Variants in MTMR8 observed in about 807,000 individuals in gnomAD.
MTMR8 encodes the protein phosphatidylinositol-3,5-bisphosphate 3-phosphatase MTMR8.
A neutral mutation model predicts 39.3 loss-of-function variants in MTMR8; 65 were observed. The observed-to-expected ratio is 1.65, with a 90% CI of 1.35 to 2.03. The LOEUF is 2.03. Among genes scored for constraint, MTMR8 ranks in the 30% most tolerant of loss-of-function variants. The pLI is 0.00. For synonymous variants in MTMR8, 245 were observed against 185.2 expected, an observed-to-expected ratio of 1.32 and a Z score of -2.62; for missense variants, 777 against 538.9, an observed-to-expected ratio of 1.44 and a Z score of -4.37.
At chrX:64,310,599 C>G (rs1922265393) in intron 12 of MTMR8, among the ~76,000 whole-genome samples, 1 of 110,949 alleles carries the variant, frequency 9.0e-6, no homozygotes, top group South Asian at 3.9e-4. Context: ...TTGCTGCACC[C>G]ATCAACTCGT....
intron 1 of MTMR8, 90 bp downstream of exon 1, chrX:64,395,250 C>T: frequency 1.0e-6 from 1 of 982,991 alleles, no homozygotes; most frequent in South Asian, 2.0e-5. Context: ...TCAAAGAAGG[C>T]TGAGAAGGCT....
At chrX:64,372,532 C>T (rs1052449271) in intron 1 of MTMR8, among the ~76,000 whole-genome samples, 12 of 112,001 alleles carry the variant, frequency 1.1e-4, no homozygotes, top group Non-Finnish European at 2.3e-4. Flanking sequence ...TTCTTCATCT[C>T]TACAATTAAT....
intron 12 of MTMR8, among the ~76,000 whole-genome samples, chrX:64,286,277 A>T (rs1449039758): frequency 5.4e-5 from 6 of 110,743 alleles, no homozygotes; most frequent in African/African-American, 9.8e-5. Context: ...GCAAACCAGG[A>T]AGATGTTGAC....
intron 1 of MTMR8, among the ~76,000 whole-genome samples, chrX:64,383,755 T>A (rs1320746663): frequency 9.0e-6 from 1 of 110,910 alleles, no homozygotes; most frequent in Non-Finnish European, 1.9e-5. Flanking sequence ...TCCAATCACC[T>A]CCTACCAGTT....
chrX:64,277,352 C>G (rs1931899345), intron 12 of MTMR8, among the ~76,000 whole-genome samples: 2 of 112,114 alleles, frequency 1.8e-5, no homozygotes, highest in African/African-American at 6.5e-5. Flanking sequence ...ATGGTCTTTA[C>G]AATTTGGTAT....
chrX:64,384,148 C>A (rs1358185716), intron 1 of MTMR8, among the ~76,000 whole-genome samples: 1 of 111,944 alleles, frequency 8.9e-6, no homozygotes, highest in Non-Finnish European at 1.9e-5. Flanking sequence ...AAACTTAAAA[C>A]TCCTAAGTAA....
chrX:64,350,890 C>T (rs1241165183), intron 4 of MTMR8, among the ~76,000 whole-genome samples: 2 of 111,130 alleles, frequency 1.8e-5, no homozygotes, highest in African/African-American at 3.3e-5. Flanking sequence ...CTAATCACTC[C>T]CCTAACTAAA....
intron 12 of MTMR8, among the ~76,000 whole-genome samples, chrX:64,325,746 T>G (rs1484158059): frequency 8.9e-6 from 1 of 112,002 alleles, no homozygotes; most frequent in Non-Finnish European, 1.9e-5. Context: ...AATGCCTACT[T>G]TTACCACTTC....
At chrX:64,387,289 T>C (rs765178375) in intron 1 of MTMR8, among the ~76,000 whole-genome samples, 5 of 110,764 alleles carry the variant, frequency 4.5e-5, no homozygotes, top group African/African-American at 1.3e-4. Context: ...TCCTGAATGG[T>C]AGGAGATGCT....
intron 13 of MTMR8, 79 bp from the exon 14 acceptor site, chrX:64,269,122 G>A (rs2147122959): frequency 9.9e-7 from 1 of 1,011,808 alleles, no homozygotes; most frequent in East Asian, 3.1e-5. Flanking sequence ...GATCTGCAGA[G>A]ATCCTATTGC....
At chrX:64,311,345 T>A (rs1330681605) in intron 12 of MTMR8, among the ~76,000 whole-genome samples, 6 of 111,042 alleles carry the variant, frequency 5.4e-5, no homozygotes, top group African/African-American at 1.6e-4. Flanking sequence ...TTGATGGGGT[T>A]TTTTTTTCTT....
chrX:64,300,396 A>C (rs1459003771), intron 12 of MTMR8, among the ~76,000 whole-genome samples: 1 of 111,325 alleles, frequency 9.0e-6, no homozygotes, highest in Non-Finnish European at 1.9e-5. Context: ...CTAGCATTGC[A>C]AACCCTGCCT....
intron 12 of MTMR8, among the ~76,000 whole-genome samples, chrX:64,321,890 CT>C (rs973512975): frequency 6.3e-5 from 7 of 111,780 alleles, no homozygotes; most frequent in African/African-American, 2.3e-4. Context: ...TTGTCAAATA[CT>C]TTTTCTTCAT....
At chrX:64,360,700 G>T (rs1306239531) in intron 1 of MTMR8, among the ~76,000 whole-genome samples, 1 of 110,979 alleles carries the variant, frequency 9.0e-6, no homozygotes, top group African/African-American at 3.3e-5. Flanking sequence ...ATTAACCTTG[G>T]GTTAAAAAGA....
intron 12 of MTMR8, among the ~76,000 whole-genome samples, chrX:64,299,558 G>GT (rs1300659349): frequency 2.5e-5 from 2 of 80,138 alleles, no homozygotes; most frequent in Non-Finnish European, 4.8e-5. Flanking sequence ...TTTTTGAAGG[G>GT]TTTTTTGTGT....
At chrX:64,363,677 C>T (rs970418929) in intron 1 of MTMR8, among the ~76,000 whole-genome samples, 1 of 111,783 alleles carries the variant, frequency 8.9e-6, no homozygotes, top group Non-Finnish European at 1.9e-5. Context: ...GTGACCGACG[C>T]AAAAGATAGT....
intron 1 of MTMR8, among the ~76,000 whole-genome samples, chrX:64,369,353 T>G (rs1232387585): frequency 8.9e-6 from 1 of 111,937 alleles, no homozygotes; most frequent in Non-Finnish European, 1.9e-5. Flanking sequence ...AGCAAAAGCT[T>G]GGAACCAACC....
At chrX:64,274,984 C>T (rs1005000464) in intron 12 of MTMR8, among the ~76,000 whole-genome samples, 12 of 111,092 alleles carry the variant, frequency 1.1e-4, no homozygotes, top group African/African-American at 3.9e-4. Flanking sequence ...GGTCTTCTGC[C>T]CAGCATGGTG....
chrX:64,345,238 C>A, intron 6 of MTMR8, 61 bp from the exon 7 acceptor site: 1 of 1,094,247 alleles, frequency 9.1e-7, no homozygotes, highest in Non-Finnish European at 1.3e-6. Flanking sequence ...TGGAGTTCAT[C>A]AATCTCAATG....
Sources: gnomAD v4.1 joint callset for allele counts (sites outside exome capture counted in the v4.1 genomes callset) on GRCh38, gnomAD v4.1.1 for gene constraint, MANE v1.5 for transcripts, NCBI Gene and HGNC (gene_info 2026-07-23, HGNC 2026-07-21) for gene names.